CABP1: variants seen among roughly 807,000 people sequenced by gnomAD.
CABP1 encodes the protein calcium-binding protein 1.
CABP1 carries 17 observed loss-of-function variants against 34.3 expected under a neutral mutation model. The observed-to-expected ratio is 0.50, with a 90% CI of 0.34 to 0.74. The LOEUF (loss-of-function observed/expected upper bound fraction) is 0.74, where lower values mean the gene tolerates loss of function less well. Ranked by LOEUF, CABP1 falls within the 30% of genes least tolerant of loss-of-function variation. The probability of loss-of-function intolerance (pLI) is 0.01; values close to 1 mark genes in which losing one functional copy is unlikely to be tolerated. For synonymous variants in CABP1, 198 were observed against 229.2 expected (o/e 0.86, Z 1.23); for missense variants, 373 against 511.1 (o/e 0.73, Z 2.61).
At chr12:120,667,804 G>T (rs1881097853), downstream of CABP1, among the ~76,000 whole-genome samples, 1 of 152,122 alleles carries the variant, frequency 6.6e-6, no homozygotes, top group Non-Finnish European at 1.5e-5. Context: ...CATTTATTGA[G>T]TACCTATTAT....
In CABP1 at chr12:120,640,838, G is replaced by T; in HGVS notation, c.153G>T (p.Ala51=). 9.3e-7 allele frequency: 1 copy of T among 1,073,994 alleles called. No individual in the cohort carries two copies. Among genetic ancestry groups the T allele is most frequent in the South Asian group, 4.4e-5 (1 of 22,964 alleles). The allele number at this position is 1,073,994 out of a possible 1,614,324, so 66.5% of individuals were successfully genotyped here. A position where few individuals can be genotyped will look rare whatever the true frequency, so the allele number is the denominator to read the frequency against. The change falls in exon 1 of 6, where the codon GCG becomes GCT. Residue 51 remains alanine (A), a synonymous_variant. Coordinates refer to ENST00000316803, the MANE Select transcript of CABP1 (RefSeq NM_001033677.2). The surrounding 1 kb of genome is among the most constrained non-coding windows in gnomAD (Gnocchi z 6.2). ...RRTAPPPPGH[A]SAGPAAMSSH... is the part of the protein sequence containing the mutation. Reference sequence around the variant, plus strand: ...CCGCGCCGCCCCCGCCGGGCCATGCGAGCGCGGGCCCCGCCGCGATGAGCT... The same window carrying T: ...CCGCGCCGCCCCCGCCGGGCCATGCTAGCGCGGGCCCCGCCGCGATGAGCT...
At chr12:120,674,273 G>A in the CABP1 span, among the ~76,000 whole-genome samples, 2 of 152,372 alleles carry the variant, frequency 1.3e-5, no homozygotes, top group African/African-American at 2.4e-5. Context: ...GTGTCATCAC[G>A]CCTCAGCGAT....
the CABP1 span, among the ~76,000 whole-genome samples, chr12:120,677,383 C>T: frequency 2.0e-5 from 3 of 146,374 alleles, no homozygotes; most frequent in Middle Eastern, 3.8e-3. Context: ...CCACTATGCC[C>T]AGCCTTCTTT....
chr12:120,655,999 C>G (rs1323239237), intron 1 of CABP1: 2 of 1,582,898 alleles, frequency 1.3e-6, no homozygotes, highest in Admixed American at 1.8e-5. Context: ...TCAGGGTCCC[C>G]TCTTGCGGAA....
intron 1 of CABP1, among the ~76,000 whole-genome samples, chr12:120,647,559 C>T (rs1243642829): frequency 8.1e-6 from 1 of 122,898 alleles, no homozygotes; most frequent in Non-Finnish European, 1.7e-5. Flanking sequence ...TCAGTCCAAG[C>T]CTTTTTTTTT....
Position 120,660,902 on chromosome 12 carries a change from C to T in CABP1, c.939+62C>T. 7.0e-7 allele frequency: 1 copy of T among 1,423,790 alleles called. No individual in the cohort carries two copies. The highest frequency in any genetic ancestry group is 1.4e-5 in the African/African-American group (1 of 71,226). The allele number at this position is 1,423,790 out of a possible 1,614,324, so 88.2% of individuals were successfully genotyped here. A position where few individuals can be genotyped will look rare whatever the true frequency, so the allele number is the denominator to read the frequency against. On this transcript the variant is annotated intron_variant, in intron 4 of 5. Transcript: ENST00000316803. The surrounding 1 kb of genome is among the most constrained non-coding windows in gnomAD (Gnocchi z 5.0). ...TGGAATCCTATCTGCAGTATAAATACTTCAAAAGAAGCCTGAGCCTCAAGT... is the reference window on the plus strand; with the variant it reads ...TGGAATCCTATCTGCAGTATAAATATTTCAAAAGAAGCCTGAGCCTCAAGT...
At chr12:120,679,739 A>G in the CABP1 span, among the ~76,000 whole-genome samples, 1 of 152,306 alleles carries the variant, frequency 6.6e-6, no homozygotes, top group East Asian at 1.9e-4. Context: ...AGGCAGGAGA[A>G]TCACTTGAAC....
chr12:120,641,556 G>T lies in CABP1; in HGVS notation c.654+217G>T. 1 of 429,614 alleles carries T rather than the reference G, an allele frequency of 2.3e-6. No homozygotes were observed. The highest frequency in any genetic ancestry group is 3.9e-6 in the Non-Finnish European group (1 of 258,346). 26.6% of individuals were successfully genotyped at this position (429,614 alleles called of 1,614,324 possible). On this transcript the variant is annotated intron_variant, in intron 1 of 5. Coordinates refer to ENST00000316803, the MANE Select transcript of CABP1 (RefSeq NM_001033677.2). This position sits in a 1 kb window ranked among gnomAD's most constrained non-coding sequence, Gnocchi z 6.7. The stretch of plus-strand genomic sequence containing the variant: ...GCTGTCCACGCTCCGGGCCTCTTGG[G>T]GCAAGGCCCTCCCCGCTAGCCTCCC...
At chr12:120,654,672 T>G (rs1165828749) in intron 1 of CABP1, among the ~76,000 whole-genome samples, 2 of 151,048 alleles carry the variant, frequency 1.3e-5, no homozygotes, top group African/African-American at 4.9e-5. Context: ...GAAGGCAGAG[T>G]GCAGGCCGAA....
intron 1 of CABP1, chr12:120,655,973 C>T: frequency 1.3e-6 from 2 of 1,552,280 alleles, no homozygotes; most frequent in Admixed American, 1.9e-5. Flanking sequence ...GCTCTCTGAA[C>T]CCCGCTCCTT....
At chr12:120,659,806 G>A (rs1426334166) in intron 1 of CABP1, 72 bp from the exon 2 acceptor site, 25 of 1,470,458 alleles carry the variant, frequency 1.7e-5, no homozygotes, top group Non-Finnish European at 2.4e-5. Flanking sequence ...CACGTGGATG[G>A]CCCCCAGGTT....
chr12:120,680,617 G>A, the CABP1 span, among the ~76,000 whole-genome samples: 1 of 152,180 alleles, frequency 6.6e-6, no homozygotes, highest in Admixed American at 6.6e-5. Context: ...AATGGCCTGG[G>A]TCCAGGGCCA....
At chr12:120,673,995 A>T in the CABP1 span, among the ~76,000 whole-genome samples, 1 of 152,176 alleles carries the variant, frequency 6.6e-6, no homozygotes, top group Non-Finnish European at 1.5e-5. Context: ...CAGCCTGGGC[A>T]ACACAGCAAG....
At chr12:120,674,028 T>A in the CABP1 span, among the ~76,000 whole-genome samples, 1 of 151,958 alleles carries the variant, frequency 6.6e-6, no homozygotes, top group Non-Finnish European at 1.5e-5. Flanking sequence ...TTTTAAAAAA[T>A]TAAAAATTAG....
chr12:120,648,844 G>T (rs2137332327), intron 1 of CABP1, among the ~76,000 whole-genome samples: 1 of 150,180 alleles, frequency 6.7e-6, no homozygotes, highest in Admixed American at 6.7e-5. Flanking sequence ...TTGCGGCACT[G>T]CACTCCAGCC....
chr12:120,646,638 T>G lies in CABP1; in HGVS notation c.654+5299T>G, dbSNP rs148446759. Among the ~76,000 whole-genome samples the G allele has an allele frequency of 9.6e-3, 1,459 of 152,234 alleles. 30 individuals carry two copies. Among genetic ancestry groups the G allele is most frequent in the Middle Eastern group, 0.017 (5 of 294 alleles). On this transcript the variant is annotated intron_variant, in intron 1 of 5. Transcript: ENST00000316803. ...AAGTGATCCTCCTGCCCTAGCCTCC[T>G]GAGTATCTATGACCAGGGGCACAGC... is the stretch of plus-strand genomic sequence containing the variant.
At chr12:120,646,273 T>C (rs1479597150) in intron 1 of CABP1, among the ~76,000 whole-genome samples, 1 of 152,162 alleles carries the variant, frequency 6.6e-6, no homozygotes, top group East Asian at 1.9e-4. Flanking sequence ...CAAAGGCTGG[T>C]GATAGTTCAA....
At chr12:120,669,205 C>A (rs145141229), downstream of CABP1, among the ~76,000 whole-genome samples, 410 of 152,324 alleles carry the variant, frequency 2.7e-3, 3 homozygotes, top group African/African-American at 9.3e-3. Context: ...GGATCGTGGG[C>A]CCCAGCCAGA....
Position 120,641,002 on chromosome 12 carries a change from C to G in CABP1, c.317C>G (p.Pro106Arg). Residue 106 changes from proline to arginine, a missense_variant, in exon 1 of 6, where the codon CCG becomes CGG. Pro to Arg is a moderately radical substitution (Grantham distance 103). Transcript: ENST00000316803. The surrounding 1 kb of genome is among the most constrained non-coding windows in gnomAD (Gnocchi z 6.7). ...AGCCGCCGGCTACCCGGCTCCTGCC[C>G]GGCGACGCCGCAGTCGTCCGGGGAC... ...LPSRRLPGSCPATPQSSGDPS... is the reference protein window; with the variant it reads ...LPSRRLPGSCRATPQSSGDPS... 1 of 1,163,200 alleles carries G rather than the reference C, an allele frequency of 8.6e-7. No homozygotes were observed. Among genetic ancestry groups the G allele is most frequent in the Non-Finnish European group, 1.1e-6 (1 of 944,146 alleles). 72.1% of individuals were successfully genotyped at this position (1,163,200 alleles called of 1,614,324 possible).
Sources: gnomAD v4.1 joint callset for allele counts (sites outside exome capture counted in the v4.1 genomes callset) on GRCh38, gnomAD v4.1.1 for gene constraint, Gnocchi (gnomAD v3.1) non-coding constraint, MANE v1.5 for transcripts, NCBI Gene and HGNC (gene_info 2026-07-23, HGNC 2026-07-21) for gene names.